CRPPA: variants seen among roughly 807,000 people sequenced by gnomAD.
CRPPA encodes D-ribitol-5-phosphate cytidylyltransferase.
In CRPPA, 43 loss-of-function variants were observed where a neutral mutation model predicts 52.0. The ratio of observed to expected loss-of-function variants is 0.83; its 90% CI spans 0.65 to 1.07. The LOEUF (loss-of-function observed/expected upper bound fraction) is 1.07. Among genes scored for constraint, CRPPA ranks in the 50% least tolerant of loss-of-function variants. The pLI is 0.00. For missense variants in CRPPA, 629 were observed against 551.7 expected (o/e 1.14, Z -1.40); for synonymous variants, 250 against 203.5 (o/e 1.23, Z -1.94).
At chr7:16,401,468 A>G (rs1787815967) in intron 2 of CRPPA, among the ~76,000 whole-genome samples, 1 of 152,196 alleles carries the variant, frequency 6.6e-6, no homozygotes, top group South Asian at 2.1e-4. Flanking sequence ...CACCAACAAG[A>G]GCATAAAATG....
intron 8 of CRPPA, among the ~76,000 whole-genome samples, chr7:16,230,818 A>C (rs1032719197): frequency 3.9e-5 from 6 of 152,184 alleles, no homozygotes; most frequent in African/African-American, 1.4e-4. Context: ...CAGGTGTGAC[A>C]ATGCCAGAAG....
chr7:16,356,777 G>A (rs1019402091), intron 3 of CRPPA, among the ~76,000 whole-genome samples: 3 of 152,012 alleles, frequency 2.0e-5, no homozygotes, highest in Non-Finnish European at 4.4e-5. Context: ...TCCAACATCT[G>A]GGTCCTTTTC....
chr7:16,148,045 G>A (rs1037417653), intron 9 of CRPPA, among the ~76,000 whole-genome samples: 8 of 151,886 alleles, frequency 5.3e-5, no homozygotes, highest in Admixed American at 5.2e-4. Context: ...CCTCAATATT[G>A]TCTATCCCTG....
intron 9 of CRPPA, among the ~76,000 whole-genome samples, chr7:16,172,819 A>G (rs1025177886): frequency 2.0e-5 from 3 of 152,188 alleles, no homozygotes; most frequent in African/African-American, 7.2e-5. Flanking sequence ...AGAAAAATCA[A>G]TTTAAGTATC....
At chr7:16,236,435 T>A (rs1160918315) in intron 8 of CRPPA, among the ~76,000 whole-genome samples, 3 of 152,150 alleles carry the variant, frequency 2.0e-5, no homozygotes, top group Non-Finnish European at 4.4e-5. Context: ...ACAAAATCTC[T>A]GGTACCCAGA....
chr7:16,119,830 G>A lies in CRPPA; in HGVS notation c.1252-28031C>T, dbSNP rs940673168. Reference sequence around the variant, plus strand: ...GCTTTGGATAAATCTGAAATGCCAGGAAGACAACTAAGAGAAGGTATCAAG... The same window carrying A: ...GCTTTGGATAAATCTGAAATGCCAGAAAGACAACTAAGAGAAGGTATCAAG... On this transcript the variant is annotated intron_variant, in intron 9 of 9. Coordinates refer to ENST00000407010, the MANE Select transcript of CRPPA (RefSeq NM_001101426.4). Among the ~76,000 whole-genome samples, 3 of 152,168 alleles carry A rather than the reference G, an allele frequency of 2.0e-5. No individual in the cohort carries two copies. In the East Asian group the frequency reaches 5.8e-4, roughly 29 times the overall value.
chr7:16,383,783 G>A lies in CRPPA; in HGVS notation c.535-7542C>T, dbSNP rs192266223. Among the ~76,000 whole-genome samples the A allele has an allele frequency of 5.5e-3, 833 of 152,348 alleles. 9 individuals carry two copies. Among genetic ancestry groups the A allele is most frequent in the African/African-American group, 0.019 (775 of 41,596 alleles). On this transcript the variant is annotated intron_variant, in intron 2 of 9. Transcript: ENST00000407010. The stretch of plus-strand genomic sequence containing the variant: ...TAGCAATCAGCGAGACTCCATGGGC[G>A]TAGGACCCTCCAAGCCATGTGCGGG...
intron 9 of CRPPA, among the ~76,000 whole-genome samples, chr7:16,200,202 C>T (rs1017122618): frequency 1.3e-5 from 2 of 152,174 alleles, no homozygotes; most frequent in Non-Finnish European, 2.9e-5. Flanking sequence ...ACGGACGTTA[C>T]TGCTTTTCTC....
chr7:16,395,971 A>G (rs1431465919), intron 2 of CRPPA, among the ~76,000 whole-genome samples: 1 of 152,226 alleles, frequency 6.6e-6, no homozygotes, highest in African/African-American at 2.4e-5. Flanking sequence ...TCATTCCCAT[A>G]GCACCTCAGA....
chr7:16,099,415 GAGGGGAGGGA>G (rs1313795287), intron 9 of CRPPA, among the ~76,000 whole-genome samples: 2 of 129,352 alleles, frequency 1.5e-5, no homozygotes, highest in Non-Finnish European at 3.3e-5. Flanking sequence ...GAGGGAAGGG[GAGGGGAGGGA>G]AGGGGAGGGA....
At chr7:16,240,844 T>C (rs997299887) in intron 8 of CRPPA, among the ~76,000 whole-genome samples, 2 of 152,168 alleles carry the variant, frequency 1.3e-5, no homozygotes, top group Non-Finnish European at 2.9e-5. Flanking sequence ...AACAGCATCA[T>C]CGATTTTTAT....
At chr7:16,107,153 G>A (rs1583360122) in intron 9 of CRPPA, among the ~76,000 whole-genome samples, 1 of 152,068 alleles carries the variant, frequency 6.6e-6, no homozygotes, top group Middle Eastern at 3.4e-3. Context: ...TCACATAATG[G>A]GGAACTGCAG....
intron 2 of CRPPA, among the ~76,000 whole-genome samples, chr7:16,404,148 T>C (rs1200561326): frequency 6.6e-6 from 1 of 152,170 alleles, no homozygotes; most frequent in East Asian, 1.9e-4. Flanking sequence ...CCTTTATGTT[T>C]TAACACCAAC....
At chr7:16,274,069 A>G (rs1784152397) in intron 6 of CRPPA, among the ~76,000 whole-genome samples, 2 of 152,032 alleles carry the variant, frequency 1.3e-5, no homozygotes, top group Non-Finnish European at 2.9e-5. Flanking sequence ...TTTGTTTTTG[A>G]GACGGAGTCT....
At chr7:16,346,190 A>T (rs1190148956) in intron 3 of CRPPA, among the ~76,000 whole-genome samples, 1 of 152,208 alleles carries the variant, frequency 6.6e-6, no homozygotes, top group Non-Finnish European at 1.5e-5. Context: ...AGTGAACAAG[A>T]TAAAGTCCCT....
chr7:16,141,207 C>T (rs75023068), intron 9 of CRPPA, among the ~76,000 whole-genome samples: 3,415 of 152,190 alleles, frequency 0.022, 134 homozygotes, highest in African/African-American at 0.077. Flanking sequence ...TTTATCACTG[C>T]AATTGTATTT....
intron 5 of CRPPA, among the ~76,000 whole-genome samples, chr7:16,289,770 A>G (rs1470290430): frequency 6.6e-6 from 1 of 152,148 alleles, no homozygotes; most frequent in Non-Finnish European, 1.5e-5. Context: ...GAGGACAAGA[A>G]GAGGATGCCC....
intron 9 of CRPPA, among the ~76,000 whole-genome samples, chr7:16,166,982 G>GCA (rs1422852833): frequency 8.7e-5 from 13 of 149,866 alleles, no homozygotes; most frequent in Non-Finnish European, 1.8e-4. Flanking sequence ...AGGCTGGAGT[G>GCA]CAGTGGTGCG....
chr7:16,099,800 A>G (rs1285475679), intron 9 of CRPPA, among the ~76,000 whole-genome samples: 1 of 152,226 alleles, frequency 6.6e-6, no homozygotes, highest in Non-Finnish European at 1.5e-5. Flanking sequence ...TCCACAACTT[A>G]ATAAAATTGA....
Sources: gnomAD v4.1 joint callset for allele counts (sites outside exome capture counted in the v4.1 genomes callset) on GRCh38, gnomAD v4.1.1 for gene constraint, MANE v1.5 for transcripts, NCBI Gene and HGNC (gene_info 2026-07-23, HGNC 2026-07-21) for gene names.